Variants in NAALADL2 observed in about 807,000 individuals in gnomAD.
NAALADL2 encodes the protein inactive N-acetylated-alpha-linked acidic dipeptidase-like protein 2.
Under a neutral mutation model 87.2 loss-of-function variants are expected in NAALADL2, and 76 were observed. That is an observed-to-expected ratio of 0.87 (90% confidence interval 0.72 to 1.05). NAALADL2 has a LOEUF of 1.05. NAALADL2 is among the 50% of genes least tolerant of loss of function. The pLI is 0.00. For missense variants in NAALADL2, 1,089 were observed against 945.8 expected (o/e 1.15, Z -1.99); for synonymous variants, 354 against 331.0 (o/e 1.07, Z -0.75).
At chr3:175,700,338 AC>A (rs1214602498) in intron 11 of NAALADL2, among the ~76,000 whole-genome samples, 4 of 152,104 alleles carry the variant, frequency 2.6e-5, no homozygotes, top group South Asian at 2.1e-4. Flanking sequence ...AGCTTAGGAA[AC>A]TTTTTTGTCC....
At chr3:175,149,956 A>G (rs931988621) in intron 2 of NAALADL2, among the ~76,000 whole-genome samples, 1 of 152,158 alleles carries the variant, frequency 6.6e-6, no homozygotes, top group Non-Finnish European at 1.5e-5. Flanking sequence ...ATCTGGTAGC[A>G]ACAGGTGCTG....
Position 175,777,425 on chromosome 3 carries a change from T to C in NAALADL2, c.2189+22007T>C, listed in dbSNP as rs151287548. On this transcript the variant is annotated intron_variant, in intron 13 of 13. Transcript: ENST00000454872. ...ATTTTGAGGATTATATGCATTAAAA[T>C]ATGCAAAATGCTTGGAATATGGGGA... Among the ~76,000 whole-genome samples the C allele has an allele frequency of 1.8e-3, 271 of 152,192 alleles. 2 individuals carry two copies. Among genetic ancestry groups the C allele is most frequent in the African/African-American group, 6.3e-3 (263 of 41,550 alleles).
chr3:175,324,965 C>T (rs990009521), intron 5 of NAALADL2, among the ~76,000 whole-genome samples: 5 of 152,146 alleles, frequency 3.3e-5, no homozygotes, highest in African/African-American at 1.2e-4. Context: ...CAGATGCTCA[C>T]CGCATCATTG....
intron 3 of NAALADL2, among the ~76,000 whole-genome samples, chr3:174,846,087 T>C (rs1412405124): frequency 6.6e-6 from 1 of 152,154 alleles, no homozygotes; most frequent in Non-Finnish European, 1.5e-5. Context: ...GGGACCCTCC[T>C]GTAGCAATAA....
At chr3:175,169,400 C>CTAAAT (rs1396873840) in intron 2 of NAALADL2, among the ~76,000 whole-genome samples, 1 of 150,892 alleles carries the variant, frequency 6.6e-6, no homozygotes, top group African/African-American at 2.4e-5. Context: ...TTCTATGAAT[C>CTAAAT]TCAGTTTTAT....
intron 5 of NAALADL2, among the ~76,000 whole-genome samples, chr3:175,429,089 T>A (rs1039729887): frequency 2.0e-5 from 3 of 151,782 alleles, no homozygotes; most frequent in Non-Finnish European, 4.4e-5. Flanking sequence ...TCTAACTTTA[T>A]CTGTATTGTG....
intron 3 of NAALADL2, among the ~76,000 whole-genome samples, chr3:174,784,988 C>G (rs115855578): frequency 4.6e-5 from 7 of 151,996 alleles, no homozygotes; most frequent in Admixed American, 2.0e-4. Flanking sequence ...TAATCAAGAT[C>G]TTTTGTCCTT....
At chr3:174,911,320 G>A (rs1733678387) in intron 1 of NAALADL2, among the ~76,000 whole-genome samples, 1 of 152,112 alleles carries the variant, frequency 6.6e-6, no homozygotes. Flanking sequence ...AAATATATTT[G>A]TAGAATTAAA....
chr3:175,663,138 G>A (rs1439518921), intron 11 of NAALADL2, among the ~76,000 whole-genome samples: 1 of 150,396 alleles, frequency 6.6e-6, no homozygotes, highest in East Asian at 2.0e-4. Flanking sequence ...TTAGCTCCTG[G>A]GCTTGCTTTT....
In NAALADL2 at chr3:175,803,677, G is replaced by C. The variant is rs1012780879; in HGVS notation, c.*474G>C. On this transcript the variant is annotated 3_prime_UTR_variant, in exon 14 of 14. Transcript: ENST00000454872. ...TGAAGAATTCAAGTATTCTGACTGA[G>C]TGATTGGTTGACCTAAACCACTTTG... 1 of 152,578 alleles carries C rather than the reference G, an allele frequency of 6.6e-6. No individual in the cohort carries two copies. The highest frequency in any genetic ancestry group is 1.5e-5 in the Non-Finnish European group (1 of 68,064). 9.5% of individuals were successfully genotyped at this position (152,578 alleles called of 1,614,324 possible). A position where few individuals can be genotyped will look rare whatever the true frequency, so the allele number is the denominator to read the frequency against.
chr3:175,368,983 A>G (rs1766075406), intron 5 of NAALADL2, among the ~76,000 whole-genome samples: 2 of 152,308 alleles, frequency 1.3e-5, no homozygotes, highest in South Asian at 4.1e-4. Flanking sequence ...GGATCTGTGA[A>G]TGAGCAGTGA....
intron 2 of NAALADL2, among the ~76,000 whole-genome samples, chr3:175,210,202 GA>G (rs141019590): frequency 1.3e-5 from 2 of 151,588 alleles, no homozygotes; most frequent in Non-Finnish European, 3.0e-5. Flanking sequence ...AACAAAACAT[GA>G]AAAGAGACTA....
At chr3:175,523,005 AG>A (rs768993598) in intron 9 of NAALADL2, among the ~76,000 whole-genome samples, 3 of 152,218 alleles carry the variant, frequency 2.0e-5, no homozygotes, top group African/African-American at 7.2e-5. Context: ...CTGGGTACAC[AG>A]GGAATCCATG....
intron 9 of NAALADL2, among the ~76,000 whole-genome samples, chr3:175,561,881 C>T (rs1420232102): frequency 6.6e-6 from 1 of 152,202 alleles, no homozygotes; most frequent in Non-Finnish European, 1.5e-5. Context: ...GGTTATTTCA[C>T]AGCATAATGT....
intron 1 of NAALADL2, among the ~76,000 whole-genome samples, chr3:174,543,069 G>T (rs1722391239): frequency 6.6e-6 from 1 of 152,168 alleles, no homozygotes; most frequent in East Asian, 1.9e-4. Context: ...TAACGTCAGG[G>T]AGATTGATAG....
chr3:174,482,209 A>T (rs1378139674), intron 1 of NAALADL2, among the ~76,000 whole-genome samples: 35 of 152,056 alleles, frequency 2.3e-4, no homozygotes, highest in Admixed American at 2.3e-3. Flanking sequence ...TGCTGCCAAC[A>T]GTGTTCCTGG....
chr3:174,445,190 G>T (rs1278256130), intron 1 of NAALADL2, among the ~76,000 whole-genome samples: 1 of 152,010 alleles, frequency 6.6e-6, no homozygotes, highest in Admixed American at 6.6e-5. Context: ...TGTAAATATT[G>T]CAATACAATT....
intron 1 of NAALADL2, among the ~76,000 whole-genome samples, chr3:175,008,717 A>G (rs1346754180): frequency 3.5e-5 from 4 of 115,210 alleles, no homozygotes; most frequent in Non-Finnish European, 6.8e-5. Flanking sequence ...AATATACCCT[A>G]CAACGTTATA....
At chr3:175,434,021 G>A (rs990740642) in intron 5 of NAALADL2, among the ~76,000 whole-genome samples, 4 of 151,818 alleles carry the variant, frequency 2.6e-5, no homozygotes, top group Non-Finnish European at 4.4e-5. Context: ...AGCAAGAAAC[G>A]AGTGGTAATC....
Sources: gnomAD v4.1 joint callset for allele counts (sites outside exome capture counted in the v4.1 genomes callset) on GRCh38, gnomAD v4.1.1 for gene constraint, MANE v1.5 for transcripts, NCBI Gene and HGNC (gene_info 2026-07-23, HGNC 2026-07-21) for gene names.